MYH9: variants seen among roughly 807,000 people sequenced by gnomAD.
The protein encoded by MYH9 is myosin heavy chain 9, also known as myosin-9.
A neutral mutation model predicts 241.9 loss-of-function variants in MYH9; 29 were observed. The observed-to-expected ratio is 0.12, with a 90% CI of 0.09 to 0.16. The LOEUF is 0.16. MYH9 is among the 10% of genes least tolerant of loss of function. The pLI is 1.00. For missense variants in MYH9, 1,803 were observed against 2,595.5 expected (o/e 0.69, Z 6.63); for synonymous variants, 1,047 against 1,062.6 (o/e 0.99, Z 0.29).
chr22:36,306,688 G>T lies in MYH9; in HGVS notation c.1844-81C>A. On this transcript the variant is annotated intron_variant, in intron 15 of 40. Coordinates refer to ENST00000216181, the MANE Select transcript of MYH9 (RefSeq NM_002473.6). This position sits in a 1 kb window ranked among gnomAD's most constrained non-coding sequence, Gnocchi z 4.1. Reference sequence around the variant, plus strand: ...GGGAGCACGTAGGAGAGAGAGACAGGCACACGTCGGACAGGAAAAGAGGAG... The same window carrying T: ...GGGAGCACGTAGGAGAGAGAGACAGTCACACGTCGGACAGGAAAAGAGGAG... 7.5e-7 allele frequency: 1 copy of T among 1,336,738 alleles called. No homozygotes were observed. Among genetic ancestry groups the T allele is most frequent in the Non-Finnish European group, 1.0e-6 (1 of 957,508 alleles). 82.8% of individuals were successfully genotyped at this position (1,336,738 alleles called of 1,614,324 possible).
In MYH9 at chr22:36,306,268, G is replaced by T. The variant is rs558274742; in HGVS notation, c.2037+146C>A. On this transcript the variant is annotated intron_variant, in intron 16 of 40. Coordinates refer to ENST00000216181, the MANE Select transcript of MYH9 (RefSeq NM_002473.6). The surrounding 1 kb of genome is among the most constrained non-coding windows in gnomAD (Gnocchi z 4.1). ...TGTGAATGTAGCGTATCTCCTAAGC[G>T]AGCCAAGGCCCACCCTGCAGAGAAA... The T allele has an allele frequency of 2.3e-6, 3 of 1,277,322 alleles. No homozygotes were observed. In the African/African-American group the frequency reaches 4.4e-5, roughly 19 times the overall value. 79.1% of individuals were successfully genotyped at this position (1,277,322 alleles called of 1,614,324 possible). A position where few individuals can be genotyped will look rare whatever the true frequency, so the allele number is the denominator to read the frequency against.
intron 1 of MYH9, among the ~76,000 whole-genome samples, chr22:36,354,974 C>CACACACACACACAT (rs1569536784): frequency 1.3e-5 from 2 of 150,724 alleles, no homozygotes; most frequent in African/African-American, 4.9e-5. Flanking sequence ...CACACACACA[C>CACACACACACACAT]ACACACACAC....
intron 27 of MYH9, 105 bp from the exon 28 acceptor site, chr22:36,294,403 C>A: frequency 1.6e-6 from 2 of 1,259,882 alleles, no homozygotes; most frequent in Non-Finnish European, 2.3e-6. Context: ...TTCTGCAGCC[C>A]TGACGACGGT....
chr22:36,336,900 G>C (rs562124024), intron 3 of MYH9, among the ~76,000 whole-genome samples: 35 of 152,294 alleles, frequency 2.3e-4, no homozygotes, highest in African/African-American at 7.5e-4. Flanking sequence ...CCAGTAACAG[G>C]ATAATGTCAA....
intron 24 of MYH9, 70 bp downstream of exon 24, chr22:36,298,849 G>T: frequency 6.2e-7 from 1 of 1,601,568 alleles, no homozygotes; most frequent in Non-Finnish European, 8.5e-7. Flanking sequence ...CGGTCAGACA[G>T]GCCGGCCCCT....
At chr22:36,362,087 A>C (rs888110186) in intron 1 of MYH9, among the ~76,000 whole-genome samples, 7 of 152,182 alleles carry the variant, frequency 4.6e-5, no homozygotes, top group African/African-American at 1.7e-4. Context: ...AAAAAACAGA[A>C]ATCATCCTCC....
chr22:36,385,087 C>A (rs62228871), intron 1 of MYH9, among the ~76,000 whole-genome samples: 3,167 of 151,996 alleles, frequency 0.021, 63 homozygotes, highest in Non-Finnish European at 0.033. Context: ...TGTTTAATTA[C>A]GACGACACAC....
At chr22:36,290,301 C>T (rs574256443) in intron 31 of MYH9, among the ~76,000 whole-genome samples, 101 of 133,862 alleles carry the variant, frequency 7.5e-4, no homozygotes, top group African/African-American at 2.9e-3. Flanking sequence ...GGTTGCACCA[C>T]GGCACCCCAG....
intron 31 of MYH9, among the ~76,000 whole-genome samples, chr22:36,291,683 TAAAAAAAAAAAAA>T (rs66686435): frequency 1.2e-5 from 1 of 86,938 alleles, no homozygotes; most frequent in South Asian, 4.1e-4. Flanking sequence ...ATAAAAAAAT[TAAAAAAAAAAAAA>T]AAAAAAAAAA....
At position 36,300,400 on chromosome 22, in the gene MYH9, G is replaced by A; in HGVS notation, c.2839-136C>T. ...CTGTGAGCCCAGGGCCATGGCTGAG[G>A]TGGGGACGGCAAGGTCCGCCAGCCC... On this transcript the variant is annotated intron_variant, in intron 22 of 40. Transcript: ENST00000216181. The surrounding 1 kb of genome is among the most constrained non-coding windows in gnomAD (Gnocchi z 5.0). The A allele has an allele frequency of 7.6e-7, 1 of 1,317,800 alleles. No homozygotes were observed. The highest frequency in any genetic ancestry group is 1.5e-5 in the African/African-American group (1 of 68,874). The allele number at this position is 1,317,800 out of a possible 1,614,324, so 81.6% of individuals were successfully genotyped here. A position where few individuals can be genotyped will look rare whatever the true frequency, so the allele number is the denominator to read the frequency against.
At chr22:36,338,519 A>C (rs2017533669) in intron 3 of MYH9, among the ~76,000 whole-genome samples, 1 of 152,068 alleles carries the variant, frequency 6.6e-6, no homozygotes, top group Non-Finnish European at 1.5e-5. Context: ...TGGTCTCCAA[A>C]AGATGAAATC....
In MYH9 at chr22:36,336,604, G is replaced by A. The variant is rs1045918891; in HGVS notation, c.490+4766C>T. On this transcript the variant is annotated intron_variant, in intron 3 of 40. Transcript: ENST00000216181. ...AAGACCCAGGAACGGCCATGACAAC[G>A]AATTAACAACATGGGAAAGCCAGGG... Among the ~76,000 whole-genome samples the A allele has an allele frequency of 4.6e-5, 7 of 152,304 alleles. No individual in the cohort carries two copies. The South Asian group carries it at 6.2e-4, about 14-fold the overall frequency.
intron 3 of MYH9, among the ~76,000 whole-genome samples, 168 bp from the exon 4 acceptor site, chr22:36,327,656 G>A (rs1387670783): frequency 6.6e-6 from 1 of 152,178 alleles, no homozygotes; most frequent in Admixed American, 6.5e-5. Flanking sequence ...GCATCTTCGG[G>A]GGAGAGTGCC....
At chr22:36,303,974 G>A (rs2016929654) in intron 19 of MYH9, 21 bp downstream of exon 19, 3 of 1,612,868 alleles carry the variant, frequency 1.9e-6, no homozygotes, top group African/African-American at 2.7e-5. Context: ...ATGCGGGGCA[G>A]GAGTATCTCC....
intron 3 of MYH9, among the ~76,000 whole-genome samples, chr22:36,328,355 C>T (rs2017367846): frequency 6.6e-6 from 1 of 152,254 alleles, no homozygotes; most frequent in Non-Finnish European, 1.5e-5. Context: ...CTAAGGCATC[C>T]TGGCTGTTCA....
At chr22:36,313,068 C>T (rs576711447) in intron 13 of MYH9, among the ~76,000 whole-genome samples, 4 of 147,068 alleles carry the variant, frequency 2.7e-5, no homozygotes, top group East Asian at 2.0e-4. Flanking sequence ...CCAGCCTGGG[C>T]GACAAGAACA....
intron 1 of MYH9, among the ~76,000 whole-genome samples, chr22:36,385,727 G>A (rs899375394): frequency 8.5e-5 from 13 of 152,088 alleles, no homozygotes; most frequent in African/African-American, 2.7e-4. Flanking sequence ...GCCCACCTGC[G>A]CTGCCAGGGT....
rs985901816 is a variant in MYH9 at position 36,306,320 on chromosome 22, G to A, written c.2037+94C>T. On this transcript the variant is annotated intron_variant, in intron 16 of 40. Transcript: ENST00000216181. This position sits in a 1 kb window ranked among gnomAD's most constrained non-coding sequence, Gnocchi z 4.1. The stretch of plus-strand genomic sequence containing the variant: ...GACTGAAGGCTCTGTGCATGCTGGG[G>A]GGCTGGAGGGGTGCTTTTGCTGGGG... 2.0e-5 allele frequency: 30 copies of A among 1,503,478 alleles called. No individual in the cohort carries two copies. In the African/African-American group the frequency reaches 4.1e-4, roughly 21 times the overall value. 93.1% of individuals were successfully genotyped at this position (1,503,478 alleles called of 1,614,324 possible).
At chr22:36,299,167 T>A in intron 23 of MYH9, 125 bp from the exon 24 acceptor site, 4 of 1,308,388 alleles carry the variant, frequency 3.1e-6, no homozygotes, top group Non-Finnish European at 3.3e-6. Context: ...TTGATCAAGT[T>A]CATTAGGATT....
Sources: allele counts gnomAD v4.1 joint callset (sites outside exome capture counted in the v4.1 genomes callset), GRCh38; gene constraint gnomAD v4.1.1; non-coding constraint Gnocchi (gnomAD v3.1); transcripts MANE v1.5; gene names NCBI Gene and HGNC (gene_info 2026-07-23, HGNC 2026-07-21).